ZNF451: variants seen among roughly 807,000 people sequenced by gnomAD.
The protein encoded by ZNF451 is E3 SUMO-protein ligase ZNF451.
In ZNF451, 80 loss-of-function variants were observed where a neutral mutation model predicts 107.1. That is an observed-to-expected ratio of 0.75 (90% CI 0.62 to 0.90). The LOEUF (loss-of-function observed/expected upper bound fraction) is 0.90, where lower values mean the gene tolerates loss of function less well. ZNF451 is among the 40% of genes least tolerant of loss of function. The pLI is 0.00. For synonymous variants in ZNF451, 362 were observed against 406.5 expected, an observed-to-expected ratio of 0.89 and a Z score of 1.32; for missense variants, 1,107 against 1,236.2, an observed-to-expected ratio of 0.90 and a Z score of 1.57.
chr6:57,124,213 G>A (rs1449119625), intron 3 of ZNF451, among the ~76,000 whole-genome samples: 1 of 152,124 alleles, frequency 6.6e-6, no homozygotes, highest in East Asian at 1.9e-4. Flanking sequence ...ATGAGTGGGT[G>A]CTGGATTTTG....
At chr6:57,117,934 C>T (rs1398881513) in intron 3 of ZNF451, among the ~76,000 whole-genome samples, 1 of 152,130 alleles carries the variant, frequency 6.6e-6, no homozygotes, top group Non-Finnish European at 1.5e-5. Flanking sequence ...CAAAACATGG[C>T]CTTCTTCCTG....
intron 2 of ZNF451, among the ~76,000 whole-genome samples, chr6:57,092,302 G>C (rs1405300387): frequency 6.6e-6 from 1 of 152,174 alleles, no homozygotes; most frequent in African/African-American, 2.4e-5. Context: ...ATGTAGGCTT[G>C]AGTTCACCTT....
intron 10 of ZNF451, among the ~76,000 whole-genome samples, chr6:57,149,920 G>C (rs958774959): frequency 2.0e-5 from 3 of 151,980 alleles, no homozygotes; most frequent in South Asian, 4.2e-4. Flanking sequence ...AAAGACGTAA[G>C]GTGGCTTGGA....
intron 2 of ZNF451, among the ~76,000 whole-genome samples, chr6:57,094,087 A>C (rs1215936647): frequency 1.3e-5 from 2 of 152,218 alleles, no homozygotes; most frequent in African/African-American, 4.8e-5. Context: ...GTGTATTGAT[A>C]TCTCTTTCCA....
chr6:57,104,833 C>CT, intron 3 of ZNF451: 2 of 985,368 alleles, frequency 2.0e-6, no homozygotes, highest in Middle Eastern at 5.2e-4. Context: ...TCCAGATACT[C>CT]TGTTTTCCTG....
At chr6:57,151,098 A>C (rs1280925760) in intron 11 of ZNF451, 4 of 387,166 alleles carry the variant, frequency 1.0e-5, no homozygotes, top group Non-Finnish European at 1.8e-5. Context: ...GCGGTGGCTC[A>C]CGTCTGTAAT....
At chr6:57,161,718 G>A (rs749229433) in intron 14 of ZNF451, among the ~76,000 whole-genome samples, 3 of 151,536 alleles carry the variant, frequency 2.0e-5, no homozygotes, top group Non-Finnish European at 4.4e-5. Flanking sequence ...TTTTTGAGAC[G>A]GAGTCTTACT....
intron 10 of ZNF451, among the ~76,000 whole-genome samples, chr6:57,148,940 G>T (rs1376867054): frequency 6.6e-6 from 1 of 152,138 alleles, no homozygotes. Context: ...TTTACAAAAG[G>T]TGTGGAGATT....
At chr6:57,099,621 T>C in intron 3 of ZNF451, 2 of 668,892 alleles carry the variant, frequency 3.0e-6, no homozygotes, top group Non-Finnish European at 5.4e-6. Flanking sequence ...ATCATCCCTT[T>C]AACCTTGTCT....
At chr6:57,136,474 A>T (rs181620018) in intron 7 of ZNF451, among the ~76,000 whole-genome samples, 11 of 152,264 alleles carry the variant, frequency 7.2e-5, no homozygotes, top group Admixed American at 2.0e-4. Flanking sequence ...TGTTTGACTT[A>T]GGTAATGGCA....
chr6:57,132,408 A>G (rs1831222867), intron 5 of ZNF451, among the ~76,000 whole-genome samples: 1 of 152,094 alleles, frequency 6.6e-6, no homozygotes, highest in South Asian at 2.1e-4. Context: ...AATAGTTAAA[A>G]GAGAAAATAA....
At chr6:57,101,886 A>C in intron 3 of ZNF451, 1 of 1,550,586 alleles carries the variant, frequency 6.4e-7, no homozygotes, top group Non-Finnish European at 8.7e-7. Context: ...AAGATGTGAA[A>C]GCTGTTGTTG....
At chr6:57,105,694 T>C in intron 3 of ZNF451, 7 of 985,424 alleles carry the variant, frequency 7.1e-6, no homozygotes, top group Non-Finnish European at 8.4e-6. Flanking sequence ...TCTATAGATA[T>C]GCTCTAGGTT....
intron 3 of ZNF451, chr6:57,105,288 T>C: frequency 3.0e-6 from 3 of 984,704 alleles, no homozygotes; most frequent in Non-Finnish European, 3.6e-6. Context: ...TTCTTCAAAA[T>C]GTTATTTCTT....
intron 7 of ZNF451, among the ~76,000 whole-genome samples, chr6:57,138,725 ATATATATATATATATATG>A (rs1373740324): frequency 1.3e-4 from 15 of 116,450 alleles, no homozygotes; most frequent in African/African-American, 4.8e-4. Context: ...ATATATATAT[ATATATATATATATATATG>A]TGTGTGTGTG....
chr6:57,091,907 T>C (rs1465737371), intron 2 of ZNF451, among the ~76,000 whole-genome samples: 3 of 152,240 alleles, frequency 2.0e-5, no homozygotes, highest in African/African-American at 7.2e-5. Context: ...TTAATAGATT[T>C]GTTTAGGAGT....
At chr6:57,093,358 A>G (rs1471031238) in intron 2 of ZNF451, among the ~76,000 whole-genome samples, 1 of 152,234 alleles carries the variant, frequency 6.6e-6, no homozygotes, top group Non-Finnish European at 1.5e-5. Context: ...TACCACATAG[A>G]TCAAGTATTA....
chr6:57,101,201 T>C, intron 3 of ZNF451: 1 of 1,550,980 alleles, frequency 6.4e-7, no homozygotes, highest in Non-Finnish European at 8.7e-7. Context: ...ACAGGTCTTT[T>C]GAAGAGAATG....
intron 2 of ZNF451, among the ~76,000 whole-genome samples, chr6:57,092,136 A>T (rs1016738964): frequency 6.6e-6 from 1 of 152,142 alleles, no homozygotes; most frequent in Non-Finnish European, 1.5e-5. Flanking sequence ...TATATTTGTG[A>T]AGAGAATTTT....
Sources: gnomAD v4.1 joint callset for allele counts (sites outside exome capture counted in the v4.1 genomes callset) on GRCh38, gnomAD v4.1.1 for gene constraint, MANE v1.5 for transcripts, NCBI Gene and HGNC (gene_info 2026-07-23, HGNC 2026-07-21) for gene names.